LYPD6: variants seen among roughly 807,000 people sequenced by gnomAD.
LYPD6 encodes LY6/PLAUR domain containing 6.
LYPD6 carries 15 observed loss-of-function variants against 22.7 expected under a neutral mutation model. The ratio of observed to expected loss-of-function variants is 0.66; its 90% CI spans 0.44 to 1.02. The LOEUF is 1.02. LYPD6 is among the 50% of genes least tolerant of loss of function. LYPD6 has a pLI of 0.00. For missense variants in LYPD6, 189 were observed against 208.4 expected (o/e 0.91, Z 0.57); for synonymous variants, 72 against 77.5 (o/e 0.93, Z 0.37).
downstream of LYPD6, among the ~76,000 whole-genome samples, chr2:149,477,087 A>G (rs28366893): frequency 0.051 from 7,769 of 152,242 alleles, 676 homozygotes; most frequent in African/African-American, 0.18. Flanking sequence ...GTCCTGGCAC[A>G]TGTCAGCACT....
intron 1 of LYPD6, among the ~76,000 whole-genome samples, chr2:149,406,145 T>C (rs1253303607): frequency 1.3e-5 from 2 of 149,850 alleles, no homozygotes; most frequent in Non-Finnish European, 3.0e-5. Context: ...AGGAGAGCTT[T>C]ACTTCCAAGT....
At chr2:149,363,681 C>T (rs754807028) in intron 1 of LYPD6, among the ~76,000 whole-genome samples, 51 of 152,092 alleles carry the variant, frequency 3.4e-4, no homozygotes, top group Non-Finnish European at 6.8e-4. Flanking sequence ...TTTCTGCTTA[C>T]CTTATGGGGT....
At chr2:149,392,275 T>C (rs1444983653) in intron 1 of LYPD6, among the ~76,000 whole-genome samples, 1 of 152,144 alleles carries the variant, frequency 6.6e-6, no homozygotes, top group East Asian at 1.9e-4. Flanking sequence ...ACCATGAATT[T>C]TGTGGGGATA....
intron 3 of LYPD6, among the ~76,000 whole-genome samples, chr2:149,453,418 CAAA>C (rs1197634971): frequency 1.3e-5 from 2 of 152,160 alleles, no homozygotes; most frequent in Admixed American, 6.5e-5. Flanking sequence ...ATAGCTAAGC[CAAA>C]GACATTATGT....
intron 1 of LYPD6, among the ~76,000 whole-genome samples, chr2:149,360,312 A>T (rs1164040480): frequency 1.3e-5 from 2 of 152,182 alleles, no homozygotes; most frequent in Non-Finnish European, 2.9e-5. Context: ...CCAGCCTCCT[A>T]TCTCATCCTG....
intron 1 of LYPD6, among the ~76,000 whole-genome samples, chr2:149,393,136 C>T (rs747789131): frequency 3.3e-5 from 5 of 152,194 alleles, no homozygotes; most frequent in Non-Finnish European, 1.5e-5. Flanking sequence ...CAAGTCTTCC[C>T]TTGCTTCCGA....
downstream of LYPD6, among the ~76,000 whole-genome samples, chr2:149,474,877 T>C (rs1430735103): frequency 6.6e-6 from 1 of 152,142 alleles, no homozygotes; most frequent in Non-Finnish European, 1.5e-5. Context: ...CAAGCAATTC[T>C]CCTGCCTCAG....
the LYPD6 span, among the ~76,000 whole-genome samples, chr2:149,482,900 A>G: frequency 6.6e-6 from 1 of 152,186 alleles, no homozygotes. Flanking sequence ...AAAATCCTGG[A>G]AGGCTGAGAC....
intron 1 of LYPD6, among the ~76,000 whole-genome samples, chr2:149,399,058 T>C (rs956701770): frequency 7.9e-5 from 12 of 152,022 alleles, no homozygotes; most frequent in Admixed American, 3.9e-4. Context: ...CATGTATATA[T>C]GCAGTTATGT....
intron 2 of LYPD6, among the ~76,000 whole-genome samples, chr2:149,445,909 G>A (rs1183927774): frequency 6.6e-6 from 1 of 152,170 alleles, no homozygotes; most frequent in Non-Finnish European, 1.5e-5. Context: ...CTAGCTCTCA[G>A]CCTATCTCAG....
chr2:149,378,935 G>A (rs941211), intron 1 of LYPD6, among the ~76,000 whole-genome samples: 95 of 152,300 alleles, frequency 6.2e-4, no homozygotes, highest in African/African-American at 2.2e-3. Context: ...AAAAGTACTG[G>A]TTGTCAAATG....
intron 1 of LYPD6, among the ~76,000 whole-genome samples, chr2:149,345,154 C>T (rs933152960): frequency 2.0e-5 from 3 of 152,096 alleles, no homozygotes; most frequent in Non-Finnish European, 4.4e-5. Flanking sequence ...TTCACACTGA[C>T]TATTTTTCAT....
intron 1 of LYPD6, among the ~76,000 whole-genome samples, chr2:149,343,179 G>A (rs1252764100): frequency 1.3e-5 from 2 of 152,132 alleles, no homozygotes; most frequent in Non-Finnish European, 2.9e-5. Context: ...TAGCTTCTGG[G>A]CAGTTCTGGC....
At chr2:149,416,946 T>A (rs1682977439) in intron 1 of LYPD6, among the ~76,000 whole-genome samples, 1 of 152,182 alleles carries the variant, frequency 6.6e-6, no homozygotes, top group Admixed American at 6.5e-5. Flanking sequence ...ATCTTGCATC[T>A]CTTTTCTGTG....
In LYPD6 at chr2:149,409,297, T is replaced by C. The variant is rs1001092137; in HGVS notation, c.-71-28341T>C. On this transcript the variant is annotated intron_variant, in intron 1 of 4. Coordinates refer to ENST00000334166, the MANE Select transcript of LYPD6 (RefSeq NM_194317.5). ...CAGCCGTGGATACCAGCACCTGCTCTGGTGGAGGTAGCAGGGGAGTGATGT... is the reference window on the plus strand; with the variant it reads ...CAGCCGTGGATACCAGCACCTGCTCCGGTGGAGGTAGCAGGGGAGTGATGT... Among the ~76,000 whole-genome samples, 24 of 152,294 alleles carry C rather than the reference T, an allele frequency of 1.6e-4. 1 individual carries two copies. The highest frequency in any genetic ancestry group is 5.9e-4 in the Admixed American group (9 of 15,296).
chr2:149,440,360 AG>A (rs1378743599), intron 2 of LYPD6: 2 of 167,136 alleles, frequency 1.2e-5, no homozygotes, highest in East Asian at 3.0e-4. Flanking sequence ...AAACCAGAAG[AG>A]GGGGTTGCAG....
intron 1 of LYPD6, among the ~76,000 whole-genome samples, chr2:149,366,826 T>G (rs1186072998): frequency 6.6e-6 from 1 of 152,198 alleles, no homozygotes; most frequent in Non-Finnish European, 1.5e-5. Flanking sequence ...CAATGGAGCC[T>G]GCAGATTTTC....
intron 1 of LYPD6, among the ~76,000 whole-genome samples, chr2:149,381,439 G>T (rs546286385): frequency 6.6e-6 from 1 of 152,162 alleles, no homozygotes; most frequent in East Asian, 1.9e-4. Flanking sequence ...GTAACAGGAG[G>T]TAGGCAGAGT....
chr2:149,389,577 C>A (rs1682264039), intron 1 of LYPD6, among the ~76,000 whole-genome samples: 1 of 152,136 alleles, frequency 6.6e-6, no homozygotes, highest in South Asian at 2.1e-4. Context: ...CAAACTGAAT[C>A]CAGGGACGTT....
Sources: allele counts gnomAD v4.1 joint callset (sites outside exome capture counted in the v4.1 genomes callset), GRCh38; gene constraint gnomAD v4.1.1; transcripts MANE v1.5; gene names NCBI Gene and HGNC (gene_info 2026-07-23, HGNC 2026-07-21).